Variants in DLG2 observed in about 807,000 individuals in gnomAD.
The protein encoded by DLG2 is disks large homolog 2.
Under a neutral mutation model 132.5 loss-of-function variants are expected in DLG2, and 45 were observed. The ratio of observed to expected loss-of-function variants is 0.34; its 90% confidence interval spans 0.27 to 0.44. The LOEUF is 0.44. DLG2 is among the 20% of genes least tolerant of loss of function. The probability of loss-of-function intolerance (pLI) is 1.00; values close to 1 mark genes in which losing one functional copy is unlikely to be tolerated. For missense variants in DLG2, 1,045 were observed against 1,196.9 expected (o/e 0.87, Z 1.87); for synonymous variants, 424 against 419.6 (o/e 1.01, Z -0.13).
At chr11:84,540,339 T>A in intron 6 of DLG2, among the ~76,000 whole-genome samples, 1 of 147,512 alleles carries the variant, frequency 6.8e-6, no homozygotes. Flanking sequence ...TTAAACAAAT[T>A]TACAAGAAAA....
chr11:85,019,257 TAACAA>T (rs2059827482), intron 6 of DLG2, among the ~76,000 whole-genome samples: 1 of 152,054 alleles, frequency 6.6e-6, no homozygotes, highest in Non-Finnish European at 1.5e-5. Flanking sequence ...GGGTAAGACT[TAACAA>T]AACTACTAGG....
chr11:83,778,790 CT>C (rs1194898124), intron 18 of DLG2, among the ~76,000 whole-genome samples: 2 of 152,070 alleles, frequency 1.3e-5, no homozygotes, highest in African/African-American at 4.8e-5. Context: ...TGGAAAGGAC[CT>C]TTCATGAATG....
chr11:84,237,188 A>C (rs1416895639), intron 8 of DLG2, among the ~76,000 whole-genome samples: 1 of 152,080 alleles, frequency 6.6e-6, no homozygotes, highest in Non-Finnish European at 1.5e-5. Flanking sequence ...TCGGCCTCCC[A>C]AAGTCCTGGG....
intron 9 of DLG2, among the ~76,000 whole-genome samples, chr11:84,144,693 C>T (rs1316676706): frequency 1.3e-5 from 2 of 152,168 alleles, no homozygotes; most frequent in South Asian, 2.1e-4. Flanking sequence ...ATGACTATCA[C>T]AGCAGTTATT....
At chr11:83,611,585 TA>T (rs906280644) in intron 19 of DLG2, among the ~76,000 whole-genome samples, 33 of 152,338 alleles carry the variant, frequency 2.2e-4, no homozygotes, top group South Asian at 6.2e-4. Flanking sequence ...TATCTGTACA[TA>T]AAAATGGAAA....
intron 7 of DLG2, among the ~76,000 whole-genome samples, chr11:84,256,602 A>T (rs534723040): frequency 6.6e-6 from 1 of 152,244 alleles, no homozygotes; most frequent in African/African-American, 2.4e-5. Context: ...AATAGGTGGT[A>T]AAATAGTGCA....
chr11:85,335,545 G>A, intron 3 of DLG2, among the ~76,000 whole-genome samples: 1 of 151,976 alleles, frequency 6.6e-6, no homozygotes, highest in Non-Finnish European at 1.5e-5. Context: ...GTAATGGCAA[G>A]TACTGATCTT....
At chr11:84,532,116 C>CTTTTTTTTTTTTTTTTT (rs1565211965) in intron 7 of DLG2, among the ~76,000 whole-genome samples, 1 of 69,918 alleles carries the variant, frequency 1.4e-5, no homozygotes, top group African/African-American at 4.7e-5. Flanking sequence ...TTGTTCTGTT[C>CTTTTTTTTTTTTTTTTT]ATTTTTTTTT....
chr11:85,421,490 C>A (rs1224586560), intron 3 of DLG2, among the ~76,000 whole-genome samples: 2 of 150,862 alleles, frequency 1.3e-5, no homozygotes, highest in African/African-American at 4.9e-5. Flanking sequence ...CTTCTGCTTG[C>A]TTTTTGTGTC....
intron 6 of DLG2, among the ~76,000 whole-genome samples, chr11:84,676,468 A>G (rs113892386): frequency 0.016 from 2,499 of 152,182 alleles, 76 homozygotes; most frequent in African/African-American, 0.056. Context: ...TGGCACAGCT[A>G]TGATTGGGAT....
intron 6 of DLG2, among the ~76,000 whole-genome samples, chr11:85,105,904 A>G (rs1442666291): frequency 6.6e-6 from 1 of 151,704 alleles, no homozygotes; most frequent in East Asian, 1.9e-4. Context: ...TCTGAGTGCC[A>G]TGGTCTGTGT....
At chr11:85,206,886 A>G (rs986940200) in intron 4 of DLG2, among the ~76,000 whole-genome samples, 2 of 152,078 alleles carry the variant, frequency 1.3e-5, no homozygotes, top group African/African-American at 4.8e-5. Flanking sequence ...CAATGTCATC[A>G]CATGTATTTT....
At chr11:84,392,028 G>C (rs186889282) in intron 7 of DLG2, among the ~76,000 whole-genome samples, 34 of 152,156 alleles carry the variant, frequency 2.2e-4, no homozygotes, top group African/African-American at 7.7e-4. Context: ...ATAGGGATTT[G>C]GTATCTACCT....
intron 3 of DLG2, among the ~76,000 whole-genome samples, chr11:85,423,235 T>C (rs1272642808): frequency 6.6e-6 from 1 of 152,144 alleles, no homozygotes; most frequent in African/African-American, 2.4e-5. Flanking sequence ...ACCCAGCAAG[T>C]CTACCAAGTA....
intron 6 of DLG2, among the ~76,000 whole-genome samples, chr11:84,961,886 T>C (rs1025218490): frequency 1.3e-5 from 2 of 152,100 alleles, no homozygotes; most frequent in African/African-American, 4.8e-5. Flanking sequence ...TACTTTCCAA[T>C]CACATCCTCC....
chr11:85,341,510 C>A (rs1333926193), intron 3 of DLG2, among the ~76,000 whole-genome samples: 2 of 152,142 alleles, frequency 1.3e-5, no homozygotes, highest in African/African-American at 4.8e-5. Flanking sequence ...ATTGATTTAT[C>A]TTGCCTAATT....
chr11:85,174,047 T>C (rs1348026745), intron 4 of DLG2, among the ~76,000 whole-genome samples: 5 of 152,136 alleles, frequency 3.3e-5, no homozygotes, highest in African/African-American at 1.2e-4. Flanking sequence ...CTACTGTCAA[T>C]GTTAGACAGA....
intron 4 of DLG2, 125 bp from the exon 5 acceptor site, chr11:85,154,776 C>A: frequency 1.8e-6 from 1 of 548,846 alleles, no homozygotes; most frequent in African/African-American, 1.9e-5. Flanking sequence ...TTGCTTATTT[C>A]AATTTTAGCA....
intron 6 of DLG2, among the ~76,000 whole-genome samples, chr11:84,894,653 C>G (rs193218689): frequency 6.6e-6 from 1 of 152,186 alleles, no homozygotes; most frequent in Admixed American, 6.5e-5. Context: ...GAGTAAGTAG[C>G]CACATTGTTG....
Sources: allele counts gnomAD v4.1 joint callset (sites outside exome capture counted in the v4.1 genomes callset), GRCh38; gene constraint gnomAD v4.1.1; transcripts MANE v1.5; gene names NCBI Gene and HGNC (gene_info 2026-07-23, HGNC 2026-07-21).